Variants in DPYSL2 observed in about 807,000 individuals in gnomAD.
The protein encoded by DPYSL2 is dihydropyrimidinase-related protein 2.
DPYSL2 carries 13 observed loss-of-function variants against 69.9 expected under a neutral mutation model. The ratio of observed to expected loss-of-function variants is 0.19; its 90% CI spans 0.12 to 0.30. The LOEUF (loss-of-function observed/expected upper bound fraction) is 0.30. Among genes scored for constraint, DPYSL2 ranks in the 10% least tolerant of loss-of-function variants. DPYSL2 has a pLI of 1.00. For missense variants in DPYSL2, 587 were observed against 918.9 expected (o/e 0.64, Z 4.67); for synonymous variants, 326 against 359.1 (o/e 0.91, Z 1.04).
chr8:26,581,846 C>T (rs939180619), intron 1 of DPYSL2, 123 bp from the exon 2 acceptor site: 42 of 764,014 alleles, frequency 5.5e-5, no homozygotes, highest in Non-Finnish European at 8.5e-5. Flanking sequence ...TGAACCTTTC[C>T]AAAATGGGCT....
Position 26,626,500 on chromosome 8 carries a change from CACACACACACACACACACACACGT to C in DPYSL2, c.794-107_794-84del. 2 of 753,280 alleles carry C rather than the reference CACACACACACACACACACACACGT, an allele frequency of 2.7e-6. No homozygotes were observed. The highest frequency in any genetic ancestry group is 4.4e-6 in the Non-Finnish European group (2 of 452,422). 46.7% of individuals were successfully genotyped at this position (753,280 alleles called of 1,614,324 possible). On this transcript the variant is annotated intron_variant, in intron 4 of 13. Coordinates refer to ENST00000521913, the MANE Select transcript of DPYSL2 (RefSeq NM_001197293.3). The surrounding 1 kb of genome is among the most constrained non-coding windows in gnomAD (Gnocchi z 4.3). ...GTACTGAAACACACACACACACACACACACACACACACACACACACACGTACACACACAGACAGTATTATCACTT... is the reference window on the plus strand; with the variant it reads ...GTACTGAAACACACACACACACACACACACACACAGACAGTATTATCACTT...
intron 1 of DPYSL2, among the ~76,000 whole-genome samples, chr8:26,543,783 G>A (rs1415637882): frequency 6.6e-6 from 1 of 152,180 alleles, no homozygotes; most frequent in East Asian, 1.9e-4. Context: ...CACCGCGCCT[G>A]GCCACTAGCT....
rs913661254 is a variant in DPYSL2 at position 26,514,669 on chromosome 8, T to C, written c.344T>C (p.Ile115Thr). 97 of 1,102,712 alleles carry C rather than the reference T, an allele frequency of 8.8e-5. No homozygotes were observed. The highest frequency in any genetic ancestry group is 1.0e-4 in the Non-Finnish European group (87 of 864,462). The allele number at this position is 1,102,712 out of a possible 1,614,324, so 68.3% of individuals were successfully genotyped here. Residue 115 changes from isoleucine (I) to threonine (T), a missense_variant, in exon 1 of 14, where the codon ATC (isoleucine) becomes ACC (threonine). Transcript: ENST00000521913. This position sits in a 1 kb window ranked among gnomAD's most constrained non-coding sequence, Gnocchi z 8.4. ...RASGKEALQN[I>T]NDQSDRLLIK... is the part of the protein sequence containing the mutation. Reference sequence around the variant, plus strand: ...TCGGGCAAAGAAGCCCTGCAGAACATCAACGACCAGGTCGGTGTGGGGGTT... The same window carrying C: ...TCGGGCAAAGAAGCCCTGCAGAACACCAACGACCAGGTCGGTGTGGGGGTT...
Position 26,643,516 on chromosome 8 carries a change from A to G in DPYSL2, c.1204A>G (p.Lys402Glu). 1.2e-6 allele frequency: 2 copies of G among 1,613,758 alleles called. No homozygotes were observed. The highest frequency in any genetic ancestry group is 1.7e-6 in the Non-Finnish European group (2 of 1,179,814). The change falls in exon 9 of 14, where the codon AAG becomes GAG. Residue 402 changes from lysine (K) to glutamate (E), a missense_variant. Physicochemically the swap from Lys to Glu is moderately conservative, Grantham distance 56. Around this residue, in one of 3 missense-constraint regions of DPYSL2, gnomAD observed 452 missense variants for 754.3 expected, o/e 0.60. Transcript: ENST00000521913. This position sits in a 1 kb window ranked among gnomAD's most constrained non-coding sequence, Gnocchi z 6.5. ...GSHYWSKNWA[K>E]AAAFVTSPPL... The stretch of plus-strand genomic sequence containing the variant: ...CCATTACTGGAGCAAGAACTGGGCC[A>G]AGGCTGCTGCCTTTGTCACCTCCCC...
intron 11 of DPYSL2, among the ~76,000 whole-genome samples, chr8:26,649,974 A>G (rs1039850398): frequency 4.6e-5 from 7 of 152,132 alleles, no homozygotes; most frequent in African/African-American, 1.7e-4. Context: ...GAGGTCTTCT[A>G]GGTGCTCATT....
rs1398224268 is a variant in DPYSL2, at chr8:26,514,639, G to A, written c.314G>A (p.Arg105Lys). The change falls in exon 1 of 14, where the codon AGG (arginine) becomes AAG (lysine). Residue 105 changes from arginine (R) to lysine (K), a missense_variant. Physicochemically the swap from Arg to Lys is conservative, Grantham distance 26. This residue lies in a region of DPYSL2 where 85 missense variants were observed against 77.7 expected (regional missense o/e 1.09). Transcript: ENST00000521913. This position sits in a 1 kb window ranked among gnomAD's most constrained non-coding sequence, Gnocchi z 8.4. ...TCGGGCCGGAAGGTGGAGATCCGGA[G>A]GGCCTCGGGCAAAGAAGCCCTGCAG... Reference protein sequence around the residue: ...VESGRKVEIRRASGKEALQNI... With the variant: ...VESGRKVEIRKASGKEALQNI... The A allele has an allele frequency of 1.1e-5, 16 of 1,462,240 alleles. No homozygotes were observed. Among genetic ancestry groups the A allele is most frequent in the Admixed American group, 2.5e-5 (1 of 40,752 alleles). 90.6% of individuals were successfully genotyped at this position (1,462,240 alleles called of 1,614,324 possible). A position where few individuals can be genotyped will look rare whatever the true frequency, so the allele number is the denominator to read the frequency against.
chr8:26,577,574 G>T (rs1238649043), intron 1 of DPYSL2, among the ~76,000 whole-genome samples: 1 of 149,580 alleles, frequency 6.7e-6, no homozygotes, highest in Non-Finnish European at 1.5e-5. Flanking sequence ...AGTGCGTGCG[G>T]CCCCGAAGCC....
At chr8:26,581,938 G>C (rs140494039) in intron 1 of DPYSL2, 31 bp from the exon 2 acceptor site, 5 of 1,529,578 alleles carry the variant, frequency 3.3e-6, no homozygotes, top group African/African-American at 1.4e-5. Context: ...GGTCAGTTAC[G>C]CGTTGTGACC....
In DPYSL2 at chr8:26,653,793, T is replaced by C. The variant is rs77304881; in HGVS notation, c.1942+396T>C. ...GGCTGATAGAACTCCTGACTTCAGG[T>C]GATCTGCCCGCCTCGGCCTCCCAAA... On this transcript the variant is annotated intron_variant, in intron 13 of 13. Transcript: ENST00000521913. The surrounding 1 kb of genome is among the most constrained non-coding windows in gnomAD (Gnocchi z 5.7). Among the ~76,000 whole-genome samples, 232 of 152,242 alleles carry C rather than the reference T, an allele frequency of 1.5e-3. 6 individuals carry two copies. The East Asian group carries it at 0.043, about 28-fold the overall frequency.
At chr8:26,618,778 CA>C (rs71216765) in intron 3 of DPYSL2, among the ~76,000 whole-genome samples, 43,978 of 85,202 alleles carry the variant, frequency 0.52, 8,049 homozygotes, top group East Asian at 0.62. Context: ...CCATCTCTAC[CA>C]AAAAAAAAAA....
In DPYSL2 at chr8:26,565,863, T is replaced by C. The variant is rs953140213; in HGVS notation, c.355-16106T>C. On this transcript the variant is annotated intron_variant, in intron 1 of 13. Coordinates refer to ENST00000521913, the MANE Select transcript of DPYSL2 (RefSeq NM_001197293.3). The surrounding 1 kb of genome is among the most constrained non-coding windows in gnomAD (Gnocchi z 4.1). ...GCTCCCAAGGTTGTCTGGGCAATCA[T>C]CATCCCGTCAGCTTGGAGAAAAAGC... is the stretch of plus-strand genomic sequence containing the variant. Among the ~76,000 whole-genome samples the C allele has an allele frequency of 6.6e-6, 1 of 152,184 alleles. No individual in the cohort carries two copies. Among genetic ancestry groups the C allele is most frequent in the African/African-American group, 2.4e-5 (1 of 41,444 alleles).
intron 1 of DPYSL2, among the ~76,000 whole-genome samples, chr8:26,554,431 C>T (rs1293565532): frequency 6.6e-6 from 1 of 151,296 alleles, no homozygotes; most frequent in Non-Finnish European, 1.5e-5. Context: ...TTGCCAGATG[C>T]GTAGTTTGCA....
intron 1 of DPYSL2, among the ~76,000 whole-genome samples, chr8:26,524,853 T>G (rs1163340849): frequency 4.1e-5 from 6 of 145,938 alleles, no homozygotes. Context: ...GAATTACTGT[T>G]TTTCAATATT....
intron 1 of DPYSL2, among the ~76,000 whole-genome samples, chr8:26,528,570 C>A (rs1202016844): frequency 6.6e-6 from 1 of 151,742 alleles, no homozygotes. Flanking sequence ...TCGCTTGAAC[C>A]CGGTGGGTGG....
At chr8:26,575,339 A>AC (rs1187717170) in intron 1 of DPYSL2, among the ~76,000 whole-genome samples, 1 of 150,570 alleles carries the variant, frequency 6.6e-6, no homozygotes. Flanking sequence ...AGGCCTGTTT[A>AC]CCTGTGGTTT....
In DPYSL2 at chr8:26,643,270, C is replaced by G. The variant is rs111800958; in HGVS notation, c.1127-169C>G. On this transcript the variant is annotated intron_variant, in intron 8 of 13. Transcript: ENST00000521913. The surrounding 1 kb of genome is among the most constrained non-coding windows in gnomAD (Gnocchi z 6.5). ...AGCTCATGACAGGCTGGCAGAGGTACTGAATTTCTCCAAGTCTCAGTTTCC... is the reference window on the plus strand; with the variant it reads ...AGCTCATGACAGGCTGGCAGAGGTAGTGAATTTCTCCAAGTCTCAGTTTCC... 1,742 of 652,242 alleles carry G rather than the reference C, an allele frequency of 2.7e-3. 39 individuals are homozygous for G. In the Admixed American group the frequency reaches 0.046, roughly 17 times the overall value. The allele number at this position is 652,242 out of a possible 1,614,324, so 40.4% of individuals were successfully genotyped here.
chr8:26,573,165 A>C (rs1406037179), intron 1 of DPYSL2, among the ~76,000 whole-genome samples: 1 of 152,206 alleles, frequency 6.6e-6, no homozygotes, highest in Non-Finnish European at 1.5e-5. Context: ...TAATAATAAC[A>C]TTAGGTCTTC....
intron 1 of DPYSL2, among the ~76,000 whole-genome samples, chr8:26,576,911 A>C (rs772954989): frequency 6.6e-6 from 1 of 152,194 alleles, no homozygotes; most frequent in Non-Finnish European, 1.5e-5. Flanking sequence ...CACCAGCGAA[A>C]TGCGCTGCGC....
At position 26,530,401 on chromosome 8, in the gene DPYSL2, C is replaced by G. The variant is rs564325210; in HGVS notation, c.354+15722C>G. ...ACATATGATTTCTTGTGATAACATT[C>G]AATTGGTCCATGGCATTTCCGTCAC... On this transcript the variant is annotated intron_variant, in intron 1 of 13. Transcript: ENST00000521913. Among the ~76,000 whole-genome samples, 4 of 152,328 alleles carry G rather than the reference C, an allele frequency of 2.6e-5. No individual in the cohort carries two copies. The South Asian group carries it at 8.3e-4, about 32-fold the overall frequency.
Sources: gnomAD v4.1 joint callset for allele counts (sites outside exome capture counted in the v4.1 genomes callset) on GRCh38, gnomAD v4.1.1 for gene constraint, gnomAD v4.1.1 regional missense constraint, Gnocchi (gnomAD v3.1) non-coding constraint, MANE v1.5 for transcripts, NCBI Gene and HGNC (gene_info 2026-07-23, HGNC 2026-07-21) for gene names.